KDM4C: variants seen among roughly 807,000 people sequenced by gnomAD.
KDM4C encodes lysine demethylase 4C, also known as lysine-specific demethylase 4C.
Under a neutral mutation model 129.3 loss-of-function variants are expected in KDM4C, and 81 were observed. That is an observed-to-expected ratio of 0.63 (90% confidence interval 0.52 to 0.75). The LOEUF (loss-of-function observed/expected upper bound fraction) is 0.75, where lower values mean the gene tolerates loss of function less well. KDM4C is among the 30% of genes least tolerant of loss of function. The probability of loss-of-function intolerance (pLI) is 0.00; values close to 1 mark genes in which losing one functional copy is unlikely to be tolerated. For missense variants in KDM4C, 1,457 were observed against 1,304.0 expected (o/e 1.12, Z -1.81); for synonymous variants, 573 against 456.1 (o/e 1.26, Z -3.26).
chr9:7,124,860 A>G (rs550150201), intron 18 of KDM4C, among the ~76,000 whole-genome samples: 4 of 152,216 alleles, frequency 2.6e-5, no homozygotes, highest in East Asian at 3.9e-4. Flanking sequence ...GATGACAGAG[A>G]TGGTTAGAGA....
At chr9:6,756,229 AATT>A (rs1184206989), upstream of KDM4C, among the ~76,000 whole-genome samples, 3 of 152,204 alleles carry the variant, frequency 2.0e-5, no homozygotes, top group African/African-American at 4.8e-5. Context: ...CTATTCATTG[AATT>A]ATTATAAGTA....
intron 1 of KDM4C, among the ~76,000 whole-genome samples, chr9:6,751,508 T>G (rs1006050873): frequency 6.6e-6 from 1 of 152,112 alleles, no homozygotes; most frequent in African/African-American, 2.4e-5. Context: ...GCTGATCTCT[T>G]GATGGAAGGA....
At chr9:7,061,694 A>C (rs1831691460) in intron 17 of KDM4C, among the ~76,000 whole-genome samples, 1 of 152,124 alleles carries the variant, frequency 6.6e-6, no homozygotes, top group African/African-American at 2.4e-5. Flanking sequence ...CAGTAAGTCC[A>C]CTTTTTTCCC....
intron 1 of KDM4C, chr9:6,735,012 A>C (rs902704224): frequency 3.9e-5 from 20 of 518,992 alleles, no homozygotes; most frequent in Non-Finnish European, 6.1e-5. Flanking sequence ...GTATTACTGC[A>C]TTGCAGCTAT....
At chr9:6,944,529 G>A (rs1826522452) in intron 8 of KDM4C, among the ~76,000 whole-genome samples, 1 of 152,010 alleles carries the variant, frequency 6.6e-6, no homozygotes, top group African/African-American at 2.4e-5. Flanking sequence ...GTGTATTTTG[G>A]CACTCATTTT....
intron 15 of KDM4C, among the ~76,000 whole-genome samples, chr9:7,041,184 C>T (rs763403895): frequency 6.6e-6 from 1 of 151,994 alleles, no homozygotes; most frequent in East Asian, 1.9e-4. Context: ...CTGTACTCAA[C>T]ATGTACAGAC....
intron 8 of KDM4C, chr9:6,942,566 G>A (rs530812301): frequency 6.6e-6 from 1 of 152,158 alleles, no homozygotes; most frequent in African/African-American, 2.4e-5. Context: ...CTGCTACCAG[G>A]ATGGCTTGAA....
chr9:6,946,948 C>T (rs1453873656), intron 8 of KDM4C, among the ~76,000 whole-genome samples: 1 of 151,898 alleles, frequency 6.6e-6, no homozygotes, highest in Non-Finnish European at 1.5e-5. Flanking sequence ...GCTTCTTGGC[C>T]AGATCCCAAA....
chr9:6,997,154 G>A (rs1335259310), intron 12 of KDM4C, among the ~76,000 whole-genome samples: 1 of 152,146 alleles, frequency 6.6e-6, no homozygotes, highest in African/African-American at 2.4e-5. Flanking sequence ...AAAGTGTTTG[G>A]CACATAATGA....
At position 7,013,814 on chromosome 9, in the gene KDM4C, T is replaced by C. The variant is rs201644558; in HGVS notation, c.1995T>C (p.Asp665=). The C allele has an allele frequency of 4.3e-6, 7 of 1,613,902 alleles. No homozygotes were observed. The highest frequency in any genetic ancestry group is 5.9e-6 in the Non-Finnish European group (7 of 1,179,862). Reference sequence around the variant, plus strand: ...CAGATAGCAGCAATGAAGAAAATGATGCTAGATGGGAGACAAAATTAGATG... The same window carrying C: ...CAGATAGCAGCAATGAAGAAAATGACGCTAGATGGGAGACAAAATTAGATG... ...HKPDSSNEEN[D]ARWETKLDEV... The change falls in exon 14 of 22, where the codon GAT becomes GAC. Residue 665 remains aspartate, a synonymous_variant. Coordinates refer to ENST00000381309, the MANE Select transcript of KDM4C (RefSeq NM_015061.6).
intron 12 of KDM4C, among the ~76,000 whole-genome samples, chr9:7,003,709 C>T (rs373762942): frequency 6.6e-6 from 1 of 152,120 alleles, no homozygotes; most frequent in Non-Finnish European, 1.5e-5. Context: ...GTCATCACTT[C>T]TTAGTAAAAT....
At chr9:6,774,232 A>G (rs1450756624) in intron 1 of KDM4C, among the ~76,000 whole-genome samples, 1 of 152,186 alleles carries the variant, frequency 6.6e-6, no homozygotes, top group Non-Finnish European at 1.5e-5. Context: ...ATGAAAAAAC[A>G]GTCTACAGTC....
intron 6 of KDM4C, among the ~76,000 whole-genome samples, chr9:6,880,767 T>C (rs958040483): frequency 1.3e-5 from 2 of 152,212 alleles, no homozygotes; most frequent in East Asian, 3.8e-4. Flanking sequence ...ACAATGCCAA[T>C]GCAAGCAGCC....
At chr9:6,811,085 G>T (rs1348276421) in intron 3 of KDM4C, among the ~76,000 whole-genome samples, 1 of 152,190 alleles carries the variant, frequency 6.6e-6, no homozygotes, top group Non-Finnish European at 1.5e-5. Context: ...AGCTGTGCCA[G>T]GATCACCTGG....
chr9:6,737,073 A>G (rs1251137026), intron 1 of KDM4C, among the ~76,000 whole-genome samples: 2 of 151,268 alleles, frequency 1.3e-5, no homozygotes, highest in Non-Finnish European at 2.9e-5. Context: ...AAAAAAAAAA[A>G]AGTTTTTCAG....
chr9:7,049,774 A>C (rs1219275731), intron 17 of KDM4C, among the ~76,000 whole-genome samples: 2 of 152,124 alleles, frequency 1.3e-5, no homozygotes, highest in Non-Finnish European at 2.9e-5. Flanking sequence ...TTTCATTGAA[A>C]ATATAGGCCT....
At chr9:6,840,526 A>G (rs1273841655) in intron 4 of KDM4C, among the ~76,000 whole-genome samples, 1 of 152,000 alleles carries the variant, frequency 6.6e-6, no homozygotes, top group African/African-American at 2.4e-5. Context: ...CCTCCCGAGT[A>G]GCTGGGACTA....
intron 18 of KDM4C, among the ~76,000 whole-genome samples, chr9:7,120,677 TG>T (rs1421857476): frequency 6.6e-6 from 1 of 152,222 alleles, no homozygotes; most frequent in African/African-American, 2.4e-5. Context: ...ATATCACATT[TG>T]CCTTAAATAT....
At chr9:6,732,000 A>G (rs1817351124) in intron 1 of KDM4C, among the ~76,000 whole-genome samples, 1 of 152,118 alleles carries the variant, frequency 6.6e-6, no homozygotes, top group Admixed American at 6.6e-5. Context: ...CAGGAGGATA[A>G]TACCAACAGT....
Sources: allele counts gnomAD v4.1 joint callset (sites outside exome capture counted in the v4.1 genomes callset), GRCh38; gene constraint gnomAD v4.1.1; transcripts MANE v1.5; gene names NCBI Gene and HGNC (gene_info 2026-07-23, HGNC 2026-07-21).